TAFA2: variants seen among roughly 807,000 people sequenced by gnomAD.
TAFA2 encodes TAFA chemokine like family member 2.
Under a neutral mutation model 18.8 loss-of-function variants are expected in TAFA2, and 7 were observed. That is an observed-to-expected ratio of 0.37 (90% CI 0.21 to 0.70). The LOEUF (loss-of-function observed/expected upper bound fraction) is 0.70, where lower values mean the gene tolerates loss of function less well. TAFA2 is among the 30% of genes least tolerant of loss of function. TAFA2 has a pLI of 0.53. For missense variants in TAFA2, 122 were observed against 158.1 expected, an observed-to-expected ratio of 0.77 and a Z score of 1.23; for synonymous variants, 60 against 54.2, an observed-to-expected ratio of 1.11 and a Z score of -0.47.
intron 1 of TAFA2, among the ~76,000 whole-genome samples, chr12:62,083,166 C>T (rs1234660487): frequency 2.0e-5 from 3 of 151,246 alleles, no homozygotes. Context: ...AAGCTGTTTT[C>T]GTTTTATTAA....
At chr12:61,834,714 G>GA (rs1872849562) in intron 2 of TAFA2, among the ~76,000 whole-genome samples, 3 of 151,868 alleles carry the variant, frequency 2.0e-5, no homozygotes, top group South Asian at 2.1e-4. Context: ...AAATAAGTGG[G>GA]AAAAAAACTG....
intron 1 of TAFA2, among the ~76,000 whole-genome samples, chr12:62,089,326 C>T (rs903223984): frequency 2.6e-5 from 4 of 152,068 alleles, no homozygotes; most frequent in African/African-American, 9.7e-5. Flanking sequence ...AAGGGAATTA[C>T]TGTATGTCAC....
chr12:61,783,633 A>T (rs181727604), intron 2 of TAFA2, among the ~76,000 whole-genome samples: 71 of 151,728 alleles, frequency 4.7e-4, no homozygotes, highest in Middle Eastern at 3.4e-3. Flanking sequence ...TATTAATAGA[A>T]AAGCACTTCA....
At chr12:62,021,609 C>A in intron 1 of TAFA2, 2 of 1,062,092 alleles carry the variant, frequency 1.9e-6, no homozygotes, top group South Asian at 1.3e-5. Context: ...GCGGTTCTGG[C>A]TTCCCACCCT....
chr12:61,787,907 C>A (rs1056993373), intron 2 of TAFA2, among the ~76,000 whole-genome samples: 4 of 151,384 alleles, frequency 2.6e-5, no homozygotes, highest in East Asian at 3.9e-4. Context: ...AGATATAGAG[C>A]GGTCAAATGG....
intron 1 of TAFA2, among the ~76,000 whole-genome samples, chr12:62,142,703 A>T (rs2136908969): frequency 6.6e-6 from 1 of 152,342 alleles, no homozygotes; most frequent in East Asian, 1.9e-4. Flanking sequence ...GGAAGAGGGT[A>T]TAAAAGTCTT....
intron 2 of TAFA2, among the ~76,000 whole-genome samples, chr12:61,802,207 C>T (rs559199549): frequency 6.6e-6 from 1 of 151,798 alleles, no homozygotes; most frequent in Non-Finnish European, 1.5e-5. Context: ...GAAGGTTCCC[C>T]AAAAAACTGA....
chr12:62,251,938 C>T (rs1193931267), intron 1 of TAFA2, among the ~76,000 whole-genome samples: 1 of 152,180 alleles, frequency 6.6e-6, no homozygotes, highest in Non-Finnish European at 1.5e-5. Flanking sequence ...TTATCCAATT[C>T]AATTCACCCC....
At chr12:61,940,458 G>T (rs1424008019) in intron 1 of TAFA2, among the ~76,000 whole-genome samples, 2 of 152,216 alleles carry the variant, frequency 1.3e-5, no homozygotes, top group African/African-American at 4.8e-5. Context: ...AAGGTGCCCA[G>T]GTGGGGAAGA....
intron 4 of TAFA2, among the ~76,000 whole-genome samples, chr12:61,738,453 C>G (rs184324902): frequency 6.6e-6 from 1 of 151,940 alleles, no homozygotes; most frequent in African/African-American, 2.4e-5. Context: ...CATAGAAATA[C>G]TAGTTGAATA....
intron 1 of TAFA2, among the ~76,000 whole-genome samples, chr12:61,938,260 T>C (rs1877855885): frequency 7.1e-6 from 1 of 141,558 alleles, no homozygotes; most frequent in Non-Finnish European, 1.5e-5. Context: ...AAGGGAAAAC[T>C]TATATATTGC....
intron 1 of TAFA2, chr12:62,242,467 C>A: frequency 6.5e-6 from 1 of 152,682 alleles, no homozygotes; most frequent in South Asian, 1.9e-4. Context: ...AGAGATGGGT[C>A]TCTGTCACCC....
At chr12:62,103,294 T>C (rs1356641406) in intron 1 of TAFA2, among the ~76,000 whole-genome samples, 1 of 152,200 alleles carries the variant, frequency 6.6e-6, no homozygotes, top group Non-Finnish European at 1.5e-5. Flanking sequence ...TTGCTGTATG[T>C]CTAGCTGGAT....
intron 1 of TAFA2, among the ~76,000 whole-genome samples, chr12:62,179,595 C>A (rs1364097175): frequency 2.0e-5 from 3 of 152,152 alleles, no homozygotes; most frequent in African/African-American, 7.2e-5. Context: ...TGAGGCAGGA[C>A]ACTCGGTTTG....
intron 2 of TAFA2, among the ~76,000 whole-genome samples, chr12:61,857,584 G>A (rs1014333063): frequency 1.3e-5 from 2 of 152,174 alleles, no homozygotes; most frequent in African/African-American, 4.8e-5. Context: ...TTCCCAGGCT[G>A]CTCTGCCAGC....
At chr12:62,050,026 A>T (rs771178289) in intron 1 of TAFA2, among the ~76,000 whole-genome samples, 4 of 152,224 alleles carry the variant, frequency 2.6e-5, no homozygotes, top group Admixed American at 6.5e-5. Context: ...ATCCAGACTA[A>T]TGCTGACTAG....
chr12:62,221,814 T>A (rs1332162123), intron 1 of TAFA2, among the ~76,000 whole-genome samples: 3 of 152,152 alleles, frequency 2.0e-5, no homozygotes, highest in Non-Finnish European at 4.4e-5. Flanking sequence ...ACCATCAAGT[T>A]AAGATTGAAA....
In TAFA2 at chr12:62,142,285, A is replaced by G. The variant is rs74098719; in HGVS notation, c.-2+48974T>C. 2.8e-3 allele frequency among the ~76,000 whole-genome samples: 422 copies of G among 152,314 alleles called. 1 individual carries two copies. The highest frequency in any genetic ancestry group is 9.9e-3 in the African/African-American group (413 of 41,566). On this transcript the variant is annotated intron_variant, in intron 1 of 4. Transcript: ENST00000416284. The stretch of plus-strand genomic sequence containing the variant: ...CTGCCTGGCCCACAGCAGGCCTTCA[A>G]TTAACATTTGTTGAATAAACGAAAG...
chr12:62,047,469 A>T (rs1036218679), intron 1 of TAFA2, among the ~76,000 whole-genome samples: 1 of 152,172 alleles, frequency 6.6e-6, no homozygotes, highest in African/African-American at 2.4e-5. Flanking sequence ...TTCTGCTAAT[A>T]TTTAGCTGAA....
Sources: allele counts gnomAD v4.1 joint callset (sites outside exome capture counted in the v4.1 genomes callset), GRCh38; gene constraint gnomAD v4.1.1; transcripts MANE v1.5; gene names NCBI Gene and HGNC (gene_info 2026-07-23, HGNC 2026-07-21).